ZNF638: variants seen among roughly 807,000 people sequenced by gnomAD.
ZNF638 encodes zinc finger protein 638.
A neutral mutation model predicts 195.6 loss-of-function variants in ZNF638; 46 were observed. That is an observed-to-expected ratio of 0.24 (90% CI 0.19 to 0.30). The LOEUF is 0.30. Among genes scored for constraint, ZNF638 ranks in the 10% least tolerant of loss-of-function variants. The pLI, the probability that ZNF638 is intolerant of heterozygous loss-of-function variation, is 1.00. For synonymous variants in ZNF638, 845 were observed against 772.0 expected (o/e 1.09, Z -1.57); for missense variants, 2,440 against 2,325.3 (o/e 1.05, Z -1.01).
At chr2:71,417,450 G>A (rs573921867) in intron 20 of ZNF638, among the ~76,000 whole-genome samples, 134 of 152,218 alleles carry the variant, frequency 8.8e-4, no homozygotes, top group Admixed American at 1.2e-3. Context: ...CGTCGCTCAC[G>A]CTGGGAGCTG....
intron 2 of ZNF638, among the ~76,000 whole-genome samples, chr2:71,355,003 C>G (rs1263825443): frequency 6.6e-6 from 1 of 151,946 alleles, no homozygotes; most frequent in South Asian, 2.1e-4. Context: ...GAGTCTCGCT[C>G]TGTCGCCCAG....
intron 21 of ZNF638, among the ~76,000 whole-genome samples, chr2:71,421,414 A>T (rs186371930): frequency 2.0e-5 from 3 of 152,148 alleles, no homozygotes; most frequent in African/African-American, 7.2e-5. Flanking sequence ...CAATGGATAG[A>T]ATATATATTG....
intron 10 of ZNF638, among the ~76,000 whole-genome samples, chr2:71,387,695 C>T (rs1443415994): frequency 1.3e-5 from 2 of 151,886 alleles, no homozygotes; most frequent in Admixed American, 1.3e-4. Flanking sequence ...TTATATCAAA[C>T]TGCAGTTGGA....
Position 71,365,573 on chromosome 2 carries a change from A to G in ZNF638, c.1862A>G (p.Lys621Arg). ...AGCAGTGGAACAAAACCATCAGTTAAACCTACAAGCGCTACAAAGAGTGAT... is the reference window on the plus strand; with the variant it reads ...AGCAGTGGAACAAAACCATCAGTTAGACCTACAAGCGCTACAAAGAGTGAT... ...KTSSGTKPSV[K>R]PTSATKSDSN... The change falls in exon 6 of 28, where the codon AAA (lysine) becomes AGA (arginine). Residue 621 changes from lysine to arginine, a missense_variant. Around this residue, in one of 5 missense-constraint regions of ZNF638, gnomAD observed 1,883 missense variants for 1,739.1 expected, o/e 1.08. Coordinates refer to ENST00000264447, the MANE Select transcript of ZNF638 (RefSeq NM_014497.5). The G allele has an allele frequency of 2.5e-6, 4 of 1,614,196 alleles. No homozygotes were observed. Among genetic ancestry groups the G allele is most frequent in the Non-Finnish European group, 3.4e-6 (4 of 1,180,032 alleles).
At chr2:71,396,562 G>A (rs781645422) in intron 11 of ZNF638, among the ~76,000 whole-genome samples, 2 of 152,028 alleles carry the variant, frequency 1.3e-5, no homozygotes, top group Non-Finnish European at 2.9e-5. Flanking sequence ...CTTTTCCCTG[G>A]CATAATCCTT....
intron 6 of ZNF638, among the ~76,000 whole-genome samples, chr2:71,366,593 G>GC (rs2079203589): frequency 1.3e-5 from 2 of 152,154 alleles, no homozygotes; most frequent in South Asian, 4.1e-4. Context: ...AGCTTCACAA[G>GC]CAGATCACTG....
intron 8 of ZNF638, chr2:71,376,000 A>G (rs934697225): frequency 2.0e-5 from 3 of 152,218 alleles, no homozygotes; most frequent in African/African-American, 7.2e-5. Context: ...CTTTCATTCT[A>G]AACAGTTAAC....
rs1230959437 is a variant in ZNF638, at chr2:71,364,207, T to C, written c.1672T>C (p.Ser558Pro). ...TAGAGGTAGTCCAAAATGCTTTCGA[T>C]CAGTTAGCCCTGAGAGGATGTCAAG... is the stretch of plus-strand genomic sequence containing the variant. ...PFRGSPKCFRSVSPERMSRRS... is the reference protein window; with the variant it reads ...PFRGSPKCFRPVSPERMSRRS... The change falls in exon 5 of 28, where the codon TCA becomes CCA. Residue 558 changes from serine (S) to proline (P), a missense_variant. Around this residue, in one of 5 missense-constraint regions of ZNF638, gnomAD observed 1,883 missense variants for 1,739.1 expected, o/e 1.08. Coordinates refer to ENST00000264447, the MANE Select transcript of ZNF638 (RefSeq NM_014497.5). 5.6e-6 allele frequency: 9 copies of C among 1,614,200 alleles called. No individual in the cohort carries two copies. Among genetic ancestry groups the C allele is most frequent in the Non-Finnish European group, 6.8e-6 (8 of 1,180,040 alleles).
chr2:71,353,959 C>T (rs1355022858), intron 2 of ZNF638, among the ~76,000 whole-genome samples: 1 of 152,156 alleles, frequency 6.6e-6, no homozygotes, highest in Non-Finnish European at 1.5e-5. Flanking sequence ...GATGTACAAA[C>T]ATTTCTTTTT....
chr2:71,363,235 T>C, intron 4 of ZNF638, 44 bp downstream of exon 4: 1 of 1,387,990 alleles, frequency 7.2e-7, no homozygotes, highest in Admixed American at 2.1e-5. Context: ...TGATTGTCTT[T>C]TAAAAGTAAA....
chr2:71,400,614 G>T, intron 15 of ZNF638, 96 bp downstream of exon 15: 2 of 993,196 alleles, frequency 2.0e-6, no homozygotes, highest in Non-Finnish European at 2.9e-6. Context: ...CATGGTATTT[G>T]GCATGTGAGA....
chr2:71,411,102 A>G (rs2080211120), intron 20 of ZNF638, among the ~76,000 whole-genome samples: 1 of 149,822 alleles, frequency 6.7e-6, no homozygotes, highest in South Asian at 2.1e-4. Flanking sequence ...AGTTCAAGCA[A>G]TTCTCCTGCC....
At chr2:71,419,973 C>CCCCCCTT in intron 21 of ZNF638, among the ~76,000 whole-genome samples, 1 of 39,312 alleles carries the variant, frequency 2.5e-5, no homozygotes, top group Non-Finnish European at 4.7e-5. Context: ...CCCCCCCCCG[C>CCCCCCTT]CTTTTTTTTT....
chr2:71,393,047 T>C (rs1366079788), intron 10 of ZNF638, among the ~76,000 whole-genome samples: 1 of 152,174 alleles, frequency 6.6e-6, no homozygotes, highest in African/African-American at 2.4e-5. Context: ...AGCTCACATA[T>C]TCAACAATTT....
chr2:71,425,692 G>A (rs537268958), intron 23 of ZNF638, among the ~76,000 whole-genome samples: 3 of 151,900 alleles, frequency 2.0e-5, no homozygotes, highest in African/African-American at 7.2e-5. Flanking sequence ...ATTTTGCAAC[G>A]AAATCTCACT....
At chr2:71,379,372 G>A (rs563067263) in intron 8 of ZNF638, 1 of 152,318 alleles carries the variant, frequency 6.6e-6, no homozygotes, top group East Asian at 1.9e-4. Context: ...ATTTCATGCA[G>A]TCCAACTCCA....
intron 3 of ZNF638, among the ~76,000 whole-genome samples, chr2:71,356,825 T>A (rs1256249203): frequency 6.6e-6 from 1 of 151,510 alleles, no homozygotes; most frequent in Non-Finnish European, 1.5e-5. Flanking sequence ...ATTTGTAAGC[T>A]CACTTAACTG....
intron 21 of ZNF638, among the ~76,000 whole-genome samples, chr2:71,419,997 T>TTTTTTTTTTA (rs2080395823): frequency 7.2e-6 from 1 of 139,844 alleles, no homozygotes; most frequent in Non-Finnish European, 1.5e-5. Flanking sequence ...TTTTTTTTTT[T>TTTTTTTTTTA]TTTTTTAACA....
chr2:71,406,328 A>T (rs1224014046), intron 19 of ZNF638, 66 bp downstream of exon 19: 1 of 1,392,766 alleles, frequency 7.2e-7, no homozygotes, highest in Non-Finnish European at 1.0e-6. Context: ...CTGTATTCTG[A>T]CAATCTGCAA....
Sources: gnomAD v4.1 joint callset for allele counts (sites outside exome capture counted in the v4.1 genomes callset) on GRCh38, gnomAD v4.1.1 for gene constraint, gnomAD v4.1.1 regional missense constraint, MANE v1.5 for transcripts, NCBI Gene and HGNC (gene_info 2026-07-23, HGNC 2026-07-21) for gene names.